Variants in CCT2 observed in about 807,000 individuals in gnomAD.
CCT2 encodes the protein T-complex protein 1 subunit beta.
Under a neutral mutation model 61.8 loss-of-function variants are expected in CCT2, and 18 were observed. The observed-to-expected ratio is 0.29, with a 90% CI of 0.20 to 0.43. The LOEUF (loss-of-function observed/expected upper bound fraction) is 0.43, where lower values mean the gene tolerates loss of function less well. Ranked by LOEUF, CCT2 falls within the 20% of genes least tolerant of loss-of-function variation. The probability of loss-of-function intolerance (pLI) is 1.00; values close to 1 mark genes in which losing one functional copy is unlikely to be tolerated. For synonymous variants in CCT2, 248 were observed against 215.9 expected, an observed-to-expected ratio of 1.15 and a Z score of -1.30; for missense variants, 556 against 656.9, an observed-to-expected ratio of 0.85 and a Z score of 1.68.
chr12:69,585,702 C>T, intron 1 of CCT2, 178 bp downstream of exon 1: 1 of 1,493,170 alleles, frequency 6.7e-7, no homozygotes, highest in Non-Finnish European at 8.9e-7. Flanking sequence ...GTGGAGCTCA[C>T]CACGAGGGGG....
chr12:69,590,510 T>G (rs962006844), intron 7 of CCT2, among the ~76,000 whole-genome samples: 1 of 152,082 alleles, frequency 6.6e-6, no homozygotes, highest in Admixed American at 6.6e-5. Flanking sequence ...TTATATTTAC[T>G]TCACAAAATG....
chr12:69,588,103 TTAA>T, intron 5 of CCT2, 44 bp from the exon 6 acceptor site: 1 of 1,548,794 alleles, frequency 6.5e-7, no homozygotes, highest in South Asian at 1.1e-5. Context: ...TGAGGAGTGC[TTAA>T]TAATTTTCTA....
At chr12:69,585,734 C>G (rs1212578871) in intron 1 of CCT2, 1 of 1,454,882 alleles carries the variant, frequency 6.9e-7, no homozygotes, top group Non-Finnish European at 9.0e-7. Flanking sequence ...GCAAAGCCAG[C>G]GTCTCCTTGT....
chr12:69,589,101 T>C, intron 6 of CCT2: 1 of 213,920 alleles, frequency 4.7e-6, no homozygotes. Context: ...GCTAATTTTG[T>C]ATTTTTAGTG....
At chr12:69,589,388 G>T in intron 6 of CCT2, 97 bp from the exon 7 acceptor site, 1 of 779,144 alleles carries the variant, frequency 1.3e-6, no homozygotes, top group South Asian at 1.6e-5. Flanking sequence ...TTACAGACTT[G>T]ATCAGTTAGG....
intron 6 of CCT2, chr12:69,589,212 A>G: frequency 2.2e-6 from 1 of 452,862 alleles, no homozygotes; most frequent in African/African-American, 2.0e-5. Context: ...GGCGTGAGCC[A>G]CTGTGCCCGG....
chr12:69,596,065 ACTCT>A (rs899084113), intron 10 of CCT2, among the ~76,000 whole-genome samples: 1 of 152,164 alleles, frequency 6.6e-6, no homozygotes, highest in Non-Finnish European at 1.5e-5. Flanking sequence ...GTAGCAAGAC[ACTCT>A]CTCTTTAAAA....
intron 6 of CCT2, among the ~76,000 whole-genome samples, chr12:69,588,961 TAG>T (rs1881753149): frequency 6.6e-6 from 1 of 152,242 alleles, no homozygotes; most frequent in Non-Finnish European, 1.5e-5. Flanking sequence ...GTCTCGCTCT[TAG>T]AGTTGCCCAG....
At chr12:69,597,075 TTATC>T (rs1177477974) in intron 10 of CCT2, 77 bp from the exon 11 acceptor site, 7 of 1,279,434 alleles carry the variant, frequency 5.5e-6, no homozygotes, top group South Asian at 2.7e-5. Context: ...TTACCTATCA[TTATC>T]TATCCATTAC....
intron 10 of CCT2, among the ~76,000 whole-genome samples, chr12:69,596,081 GAAAGA>G (rs1881980855): frequency 6.6e-6 from 1 of 152,164 alleles, no homozygotes; most frequent in South Asian, 2.1e-4. Flanking sequence ...TCTTTAAAAA[GAAAGA>G]AAAGTCTCAT....
intron 10 of CCT2, among the ~76,000 whole-genome samples, chr12:69,595,855 A>G (rs1276861230): frequency 6.6e-6 from 1 of 152,194 alleles, no homozygotes; most frequent in East Asian, 1.9e-4. Context: ...TCCCATCCTT[A>G]AAAGCTCAGT....
intron 7 of CCT2, 125 bp from the exon 8 acceptor site, chr12:69,591,934 C>G: frequency 1.8e-6 from 1 of 570,918 alleles, no homozygotes; most frequent in South Asian, 2.6e-5. Context: ...CTTCTAAGAG[C>G]TTGGTAAATT....
chr12:69,597,402 A>G, intron 11 of CCT2, 127 bp downstream of exon 11: 2 of 1,224,778 alleles, frequency 1.6e-6, no homozygotes, highest in South Asian at 1.4e-5. Context: ...CATGATACAT[A>G]CTTTGTTTCA....
intron 10 of CCT2, 25 bp from the exon 11 acceptor site, chr12:69,597,131 A>G (rs749956069): frequency 5.6e-6 from 9 of 1,608,770 alleles, no homozygotes; most frequent in East Asian, 2.2e-5. Flanking sequence ...CTGTGCATTT[A>G]ACTAATACAT....
Position 69,586,304 on chromosome 12 carries a change from A to G in CCT2, c.38A>G (p.Lys13Arg), listed in dbSNP as rs752722597. ...TCCCTTGCACCTGTTAACATCTTTA[A>G]GGCAGGAGCTGATGAAGAGAGAGCA... ...SLSLAPVNIF[K>R]AGADEERAET... is the part of the protein sequence containing the mutation. The change falls in exon 2 of 16, where the codon AAG (lysine) becomes AGG (arginine). Residue 13 changes from lysine to arginine, a missense_variant. Coordinates refer to ENST00000299300, the MANE Select transcript of CCT2 (RefSeq NM_006431.3). The G allele has an allele frequency of 1.2e-6, 2 of 1,613,620 alleles. No homozygotes were observed. Among genetic ancestry groups the G allele is most frequent in the Admixed American group, 1.7e-5 (1 of 60,000 alleles).
chr12:69,593,174 TG>T (rs1212791996), intron 9 of CCT2, 71 bp downstream of exon 9: 6 of 1,355,088 alleles, frequency 4.4e-6, no homozygotes, highest in Non-Finnish European at 5.1e-6. Flanking sequence ...TTACTTATAT[TG>T]AATTAGATTT....
chr12:69,586,229 A>G, intron 1 of CCT2, 41 bp from the exon 2 acceptor site: 1 of 1,428,780 alleles, frequency 7.0e-7, no homozygotes, highest in Non-Finnish European at 9.9e-7. Flanking sequence ...GTGTTAGAGT[A>G]TTGGTACTTA....
chr12:69,590,588 A>G (rs1881806234), intron 7 of CCT2, among the ~76,000 whole-genome samples: 1 of 152,156 alleles, frequency 6.6e-6, no homozygotes, highest in Admixed American at 6.5e-5. Context: ...GTGCTTTACA[A>G]CTTCTGTTTT....
chr12:69,592,010 A>T, intron 7 of CCT2, 49 bp from the exon 8 acceptor site: 1 of 1,037,674 alleles, frequency 9.6e-7, no homozygotes, highest in Non-Finnish European at 1.5e-6. Flanking sequence ...AGATTTACTA[A>T]GGCTGCTTTG....
Sources: allele counts gnomAD v4.1 joint callset (sites outside exome capture counted in the v4.1 genomes callset), GRCh38; gene constraint gnomAD v4.1.1; transcripts MANE v1.5; gene names NCBI Gene and HGNC (gene_info 2026-07-23, HGNC 2026-07-21).